Variants in NAV2 observed in about 807,000 individuals in gnomAD.
NAV2 encodes the protein helicase, APC down-regulated 1.
In NAV2, 54 loss-of-function variants were observed where a neutral mutation model predicts 223.2. The observed-to-expected ratio is 0.24, with a 90% CI of 0.19 to 0.30. The LOEUF (loss-of-function observed/expected upper bound fraction) is 0.30, where lower values mean the gene tolerates loss of function less well. Ranked by LOEUF, NAV2 falls within the 10% of genes least tolerant of loss-of-function variation. The probability of loss-of-function intolerance (pLI) is 1.00; values close to 1 mark genes in which losing one functional copy is unlikely to be tolerated. For missense variants in NAV2, 2,806 were observed against 3,147.5 expected (o/e 0.89, Z 2.60); for synonymous variants, 1,279 against 1,239.3 (o/e 1.03, Z -0.67).
intron 1 of NAV2, among the ~76,000 whole-genome samples, chr11:19,381,243 C>T (rs1395173738): frequency 1.3e-5 from 2 of 152,178 alleles, no homozygotes; most frequent in African/African-American, 4.8e-5. Context: ...CTGTCAATTT[C>T]CTTGTCTCTC....
chr11:19,415,903 G>A (rs1010463893), intron 1 of NAV2, among the ~76,000 whole-genome samples: 25 of 152,094 alleles, frequency 1.6e-4, no homozygotes, highest in African/African-American at 6.0e-4. Flanking sequence ...ACCCCTTCAT[G>A]CTAAAAACTC....
At chr11:19,972,232 A>G (rs1257113259) in intron 10 of NAV2, among the ~76,000 whole-genome samples, 1 of 152,196 alleles carries the variant, frequency 6.6e-6, no homozygotes, top group African/African-American at 2.4e-5. Context: ...CCCTCCCTGG[A>G]GATAGGATCA....
At chr11:19,954,944 CATATATACATAT>C (rs2047718860) in intron 10 of NAV2, among the ~76,000 whole-genome samples, 1 of 49,450 alleles carries the variant, frequency 2.0e-5, no homozygotes, top group Non-Finnish European at 4.3e-5. Flanking sequence ...TATATATATA[CATATATACATAT>C]ATATATACAT....
chr11:19,625,920 T>C (rs1463027788), intron 1 of NAV2, among the ~76,000 whole-genome samples: 1 of 152,214 alleles, frequency 6.6e-6, no homozygotes. Flanking sequence ...TCCTTGTATA[T>C]TCTGGATATT....
At chr11:19,952,305 C>T (rs2047465747) in intron 10 of NAV2, among the ~76,000 whole-genome samples, 1 of 152,196 alleles carries the variant, frequency 6.6e-6, no homozygotes, top group Admixed American at 6.5e-5. Flanking sequence ...AACCTCTTGC[C>T]AGCTCTGTGA....
At chr11:19,882,699 G>A (rs1037356435) in intron 5 of NAV2, among the ~76,000 whole-genome samples, 2 of 152,174 alleles carry the variant, frequency 1.3e-5, no homozygotes, top group African/African-American at 4.8e-5. Flanking sequence ...ACTAACGAGT[G>A]CTTTACCTAA....
chr11:19,739,701 G>A (rs2052627760), intron 1 of NAV2, among the ~76,000 whole-genome samples: 1 of 152,144 alleles, frequency 6.6e-6, no homozygotes, highest in Admixed American at 6.5e-5. Context: ...GGCCCCTATG[G>A]GAATTTGAGT....
intron 6 of NAV2, among the ~76,000 whole-genome samples, chr11:19,909,293 C>G (rs1443877291): frequency 1.3e-5 from 2 of 152,046 alleles, no homozygotes; most frequent in Non-Finnish European, 2.9e-5. Flanking sequence ...TTTGAGACCC[C>G]AATTCTAGAC....
At chr11:19,918,159 G>A (rs1279781842) in intron 6 of NAV2, among the ~76,000 whole-genome samples, 1 of 152,242 alleles carries the variant, frequency 6.6e-6, no homozygotes, top group African/African-American at 2.4e-5. Context: ...AATGCTGGTT[G>A]TCTTTTCCTG....
intron 1 of NAV2, among the ~76,000 whole-genome samples, chr11:19,801,736 A>G (rs990029008): frequency 6.6e-6 from 1 of 152,164 alleles, no homozygotes; most frequent in African/African-American, 2.4e-5. Flanking sequence ...AAATCCCGGC[A>G]CTATCACTTA....
chr11:19,363,999 T>C (rs1322054255), intron 1 of NAV2, among the ~76,000 whole-genome samples: 1 of 152,142 alleles, frequency 6.6e-6, no homozygotes, highest in Non-Finnish European at 1.5e-5. Context: ...TCATGGTTTA[T>C]GGATTTTTAT....
intron 1 of NAV2, among the ~76,000 whole-genome samples, chr11:19,454,601 A>G (rs1008774458): frequency 1.3e-5 from 2 of 152,288 alleles, no homozygotes; most frequent in Admixed American, 6.5e-5. Context: ...GTTTGCCAGC[A>G]CTGTGCTGAG....
At chr11:19,668,763 C>T (rs2048498184) in intron 1 of NAV2, among the ~76,000 whole-genome samples, 1 of 152,048 alleles carries the variant, frequency 6.6e-6, no homozygotes, top group Non-Finnish European at 1.5e-5. Flanking sequence ...TGAGAATTCA[C>T]ACTCTTTCAC....
intron 1 of NAV2, among the ~76,000 whole-genome samples, chr11:19,682,108 C>T (rs993778162): frequency 1.3e-5 from 2 of 152,156 alleles, no homozygotes; most frequent in African/African-American, 2.4e-5. Flanking sequence ...CTCCCCTAGA[C>T]AGCACCTTAC....
At chr11:19,767,527 C>T (rs1381367946) in intron 1 of NAV2, among the ~76,000 whole-genome samples, 1 of 152,200 alleles carries the variant, frequency 6.6e-6, no homozygotes, top group Non-Finnish European at 1.5e-5. Flanking sequence ...GTTAAAAATG[C>T]TCTAGCCATG....
At chr11:19,618,400 AGATGGATG>A (rs151139118) in intron 1 of NAV2, among the ~76,000 whole-genome samples, 4,600 of 66,504 alleles carry the variant, frequency 0.069, 286 homozygotes, top group African/African-American at 0.13. Flanking sequence ...ATGGATGAAT[AGATGGATG>A]GATGGATGGA....
chr11:19,574,873 A>G (rs925425347), intron 1 of NAV2, among the ~76,000 whole-genome samples: 7 of 152,226 alleles, frequency 4.6e-5, no homozygotes, highest in Non-Finnish European at 7.3e-5. Flanking sequence ...AAAGGAAACA[A>G]CATTTGAAGC....
chr11:20,061,560 C>T (rs2058706045), intron 19 of NAV2, among the ~76,000 whole-genome samples: 1 of 146,984 alleles, frequency 6.8e-6, no homozygotes, highest in African/African-American at 2.5e-5. Context: ...CAGAGTGAAA[C>T]TCCATCTCAA....
chr11:19,858,385 G>A (rs2061506604), intron 3 of NAV2, among the ~76,000 whole-genome samples: 1 of 152,184 alleles, frequency 6.6e-6, no homozygotes, highest in African/African-American at 2.4e-5. Context: ...CAGATGGCAG[G>A]ATTTCCCTCC....
Sources: allele counts gnomAD v4.1 joint callset (sites outside exome capture counted in the v4.1 genomes callset), GRCh38; gene constraint gnomAD v4.1.1; transcripts MANE v1.5; gene names NCBI Gene and HGNC (gene_info 2026-07-23, HGNC 2026-07-21).